Variants in PLEC observed in about 807,000 individuals in gnomAD.
PLEC encodes the protein plectin, also known as hemidesmosomal protein 1.
A neutral mutation model predicts 392.8 loss-of-function variants in PLEC; 216 were observed. That is an observed-to-expected ratio of 0.55 (90% CI 0.49 to 0.62). The LOEUF (loss-of-function observed/expected upper bound fraction) is 0.62, where lower values mean the gene tolerates loss of function less well. PLEC is among the 20% of genes least tolerant of loss of function. The pLI is 0.00. For missense variants in PLEC, 6,863 were observed against 6,563.4 expected (o/e 1.05, Z -1.58); for synonymous variants, 3,621 against 2,980.6 (o/e 1.21, Z -7.00).
chr8:143,951,060 C>A (rs1228504155), upstream of PLEC, among the ~76,000 whole-genome samples: 2 of 152,238 alleles, frequency 1.3e-5, no homozygotes, highest in Admixed American at 6.5e-5. Flanking sequence ...GCCACCCCCA[C>A]AGCTGCCCCT....
chr8:143,927,944 C>G lies in PLEC; in HGVS notation c.3309G>C (p.Glu1103Asp). The G allele has an allele frequency of 6.2e-7, 1 of 1,600,648 alleles. No individual in the cohort carries two copies. Among genetic ancestry groups the G allele is most frequent in the Non-Finnish European group, 8.5e-7 (1 of 1,172,528 alleles). The change falls in exon 26 of 32, where the codon GAG (glutamate) becomes GAC (aspartate). Residue 1103 changes from glutamate to aspartate, a missense_variant. Coordinates refer to ENST00000345136, the MANE Select transcript of PLEC (RefSeq NM_201384.3). ...LVIRGTQGAE[E>D]VLRAHEEQLK... ...GCTGCTCCTCGTGGGCCCTGAGCAC[C>G]TCCTCGGCCCCCTGCGTGCCGCGGA...
chr8:143,964,015 G>C (rs988962873), intron 1 of PLEC, among the ~76,000 whole-genome samples: 3 of 152,076 alleles, frequency 2.0e-5, no homozygotes, highest in Non-Finnish European at 4.4e-5. Flanking sequence ...GCTTCACCAT[G>C]TTGGCCAGGC....
At position 143,934,399 on chromosome 8, in the gene PLEC, G is replaced by C. The variant is rs782699072; in HGVS notation, c.1088C>G (p.Pro363Arg). The change falls in exon 11 of 32, where the codon CCG becomes CGG. Residue 363 changes from proline (P) to arginine (R), a missense_variant. Physicochemically the swap from Pro to Arg is moderately radical, Grantham distance 103. Coordinates refer to ENST00000345136, the MANE Select transcript of PLEC (RefSeq NM_201384.3). Reference sequence around the variant, plus strand: ...GCCCCACTCCTTCTCCACATCCAGCGGGTGGTAGCCAGGGGGCACCTTGAG... The same window carrying C: ...GCCCCACTCCTTCTCCACATCCAGCCGGTGGTAGCCAGGGGGCACCTTGAG... The part of the protein sequence containing the change: ...GQLKVPPGYH[P>R]LDVEKEWGKL... 1 of 1,612,360 alleles carries C rather than the reference G, an allele frequency of 6.2e-7. No individual in the cohort carries two copies. The highest frequency in any genetic ancestry group is 8.5e-7 in the Non-Finnish European group (1 of 1,179,908).
intron 1 of PLEC, among the ~76,000 whole-genome samples, chr8:143,949,646 A>T (rs1554734310): frequency 6.6e-6 from 1 of 152,120 alleles, no homozygotes; most frequent in Non-Finnish European, 1.5e-5. Context: ...CATCCCGCCC[A>T]GGGCCGTCCC....
At chr8:143,938,398 T>C (rs1554725494) in intron 2 of PLEC, 158 bp from the exon 3 acceptor site, 1 of 1,535,348 alleles carries the variant, frequency 6.5e-7, no homozygotes, top group Non-Finnish European at 8.7e-7. Flanking sequence ...CGGAGGCACC[T>C]ACCTCTGCCC....
At chr8:143,940,284 G>A (rs903900770), upstream of PLEC, among the ~76,000 whole-genome samples, 6 of 152,210 alleles carry the variant, frequency 3.9e-5, no homozygotes, top group East Asian at 1.9e-4. Context: ...CGTCGGAGGC[G>A]CGTAGCTGAG....
Position 143,931,535 on chromosome 8 carries a change from T to C in PLEC, c.2303A>G (p.Gln768Arg), listed in dbSNP as rs1554715267. 1.3e-6 allele frequency: 2 copies of C among 1,587,660 alleles called. No homozygotes were observed. The highest frequency in any genetic ancestry group is 1.7e-6 in the Non-Finnish European group (2 of 1,167,290). ...GCCCCTGCACACCCCCTCCCTCACC[T>C]GGGCATCCTGCAGCAGGTCCTCCAG... The part of the protein sequence containing the change: ...TRLEDLLQDA[Q>R]DEKEQLNEYK... The change falls in exon 19 of 32, where the codon CAG becomes CGG. Residue 768 changes from glutamine (Q) to arginine (R), a missense_variant and splice_region_variant. By Grantham distance (43) the Gln-to-Arg change is conservative. Coordinates refer to ENST00000345136, the MANE Select transcript of PLEC (RefSeq NM_201384.3).
chr8:143,974,734 G>A (rs1214954361), upstream of PLEC, among the ~76,000 whole-genome samples: 2 of 152,232 alleles, frequency 1.3e-5, no homozygotes, highest in Non-Finnish European at 2.9e-5. The surrounding 1 kb of genome is among the most constrained non-coding windows in gnomAD (Gnocchi z 5.9). Flanking sequence ...GCTTCCCATC[G>A]TTCTCCCTGG....
Position 143,923,253 on chromosome 8 carries a change from C to G in PLEC, c.6676G>C (p.Val2226Leu), listed in dbSNP as rs782051459. The G allele has an allele frequency of 2.5e-6, 4 of 1,605,548 alleles. No individual in the cohort carries two copies. The highest frequency in any genetic ancestry group is 3.4e-6 in the Non-Finnish European group (4 of 1,179,904). The change falls in exon 31 of 32, where the codon GTG (valine) becomes CTG (leucine). Residue 2226 changes from valine to leucine, a missense_variant. Val to Leu is a conservative substitution (Grantham distance 32). Transcript: ENST00000345136. ...CGCACCGAGAAGAGCTCCTCCTCCA[C>G]CTGGCTGCGCTGGCGTGCGGCCTCC... Reference protein sequence around the residue: ...ATEAARQRSQVEEELFSVRVQ... With the variant: ...ATEAARQRSQLEEELFSVRVQ...
At chr8:143,954,984 G>A (rs572416819), upstream of PLEC, among the ~76,000 whole-genome samples, 28 of 152,100 alleles carry the variant, frequency 1.8e-4, no homozygotes, top group Non-Finnish European at 3.7e-4. This position sits in a 1 kb window ranked among gnomAD's most constrained non-coding sequence, Gnocchi z 4.6. Flanking sequence ...CAGGAGCGAG[G>A]CCGGCAGCTC....
Position 143,916,854 on chromosome 8 carries a change from C to T in PLEC, c.12967G>A (p.Asp4323Asn), listed in dbSNP as rs782787833. 52 of 1,611,862 alleles carry T rather than the reference C, an allele frequency of 3.2e-5. No individual in the cohort carries two copies. Among genetic ancestry groups the T allele is most frequent in the Non-Finnish European group, 4.0e-5 (47 of 1,179,684 alleles). The change falls in exon 32 of 32, where the codon GAC becomes AAC. Residue 4323 changes from aspartate to asparagine, a missense_variant. By Grantham distance (23) the Asp-to-Asn change is conservative. Coordinates refer to ENST00000345136, the MANE Select transcript of PLEC (RefSeq NM_201384.3). The part of the protein sequence containing the change: ...EAQACTGGII[D>N]PSTGERFPVT... Reference sequence around the variant, plus strand: ...GGGAAGCGCTCACCGGTGCTGGGGTCGATGATGCCCCCGGTGCAGGCCTGC... The same window carrying T: ...GGGAAGCGCTCACCGGTGCTGGGGTTGATGATGCCCCCGGTGCAGGCCTGC...
chr8:143,933,156 CGT>C (rs1564135285), intron 13 of PLEC, 39 bp downstream of exon 13: 1 of 1,383,030 alleles, frequency 7.2e-7, no homozygotes, highest in Admixed American at 1.8e-5. Context: ...GGCCTGGGGC[CGT>C]GTGTACCTGG....
rs1459807536 is a variant in PLEC at position 143,973,509 on chromosome 8, C to CCAG, written c.-40_-38dup. ...CGGGGCGCGGGGTGCAGCGGAGCCT[C>CCAG]CAGCACCCGGCGGCCACTCTGTCCC... On this transcript the variant is annotated 5_prime_UTR_variant, in exon 1 of 32. Transcript: ENST00000356346. The surrounding 1 kb of genome is among the most constrained non-coding windows in gnomAD (Gnocchi z 5.6). The CCAG allele has an allele frequency of 3.7e-5, 51 of 1,364,854 alleles. No homozygotes were observed. The highest frequency in any genetic ancestry group is 4.7e-5 in the Non-Finnish European group (49 of 1,050,502). 84.5% of individuals were successfully genotyped at this position (1,364,854 alleles called of 1,614,324 possible). A position where few individuals can be genotyped will look rare whatever the true frequency, so the allele number is the denominator to read the frequency against.
upstream of PLEC, chr8:143,942,641 C>G (rs1167543013): frequency 1.7e-6 from 2 of 1,192,018 alleles, no homozygotes; most frequent in Non-Finnish European, 2.2e-6. Flanking sequence ...TCCACCTCCC[C>G]CCCACAATCC....
intron 1 of PLEC, among the ~76,000 whole-genome samples, chr8:143,970,901 C>T (rs1833392857): frequency 6.6e-6 from 1 of 152,218 alleles, no homozygotes; most frequent in South Asian, 2.1e-4. Flanking sequence ...AGCCCACAGC[C>T]CTCAGCACGG....
chr8:143,945,790 G>A (rs999924130), intron 1 of PLEC, among the ~76,000 whole-genome samples: 11 of 152,196 alleles, frequency 7.2e-5, no homozygotes, highest in African/African-American at 2.2e-4. Context: ...TGGGAAGCCC[G>A]CGGACAACAA....
At position 143,922,144 on chromosome 8, in the gene PLEC, C is replaced by T. The variant is rs782051514; in HGVS notation, c.7677G>A (p.Gln2559=). 6.5e-7 allele frequency: 1 copy of T among 1,539,990 alleles called. No individual in the cohort carries two copies. The highest frequency in any genetic ancestry group is 1.4e-5 in the African/African-American group (1 of 73,410). The stretch of plus-strand genomic sequence containing the variant: ...GCCGCACGCCCTCCTCGGCCTCATG[C>T]TGCCGCCGCCGCGCCTCCTCCATGC... ...VASMEEARRR[Q]HEAEEGVRRK... Residue 2559 remains glutamine, a synonymous_variant, in exon 32 of 32, where the codon CAG becomes CAA. Coordinates refer to ENST00000345136, the MANE Select transcript of PLEC (RefSeq NM_201384.3).
Position 143,923,944 on chromosome 8 carries a change from C to A in PLEC, c.5985G>T (p.Ala1995=). 1.9e-6 allele frequency: 3 copies of A among 1,594,106 alleles called. No homozygotes were observed. Among genetic ancestry groups the A allele is most frequent in the Non-Finnish European group, 2.5e-6 (3 of 1,177,768 alleles). Residue 1995 remains alanine, a synonymous_variant, in exon 31 of 32, where the codon GCG becomes GCT. Transcript: ENST00000345136. The part of the protein sequence containing the change: ...EAEERVQKSL[A]AEEEAARQRK... ...GCTGCCGTGCGGCCTCCTCCTCGGC[C>A]GCCAGGCTCTTCTGCACGCGCTCCT...
chr8:143,954,026 T>C, upstream of PLEC: 4 of 884,930 alleles, frequency 4.5e-6, no homozygotes, highest in Non-Finnish European at 6.3e-6. The surrounding 1 kb of genome is among the most constrained non-coding windows in gnomAD (Gnocchi z 4.6). Context: ...CCAGCCAGAC[T>C]GCCAGGTCAC....
Sources: gnomAD v4.1 joint callset for allele counts (sites outside exome capture counted in the v4.1 genomes callset) on GRCh38, gnomAD v4.1.1 for gene constraint, Gnocchi (gnomAD v3.1) non-coding constraint, MANE v1.5 for transcripts, NCBI Gene and HGNC (gene_info 2026-07-23, HGNC 2026-07-21) for gene names.